Variants in PRIM2 observed in about 807,000 individuals in gnomAD.
PRIM2 encodes DNA primase subunit 2.
In PRIM2, 39 loss-of-function variants were observed where a neutral mutation model predicts 67.3. The ratio of observed to expected loss-of-function variants is 0.58; its 90% CI spans 0.45 to 0.76. PRIM2 has a LOEUF of 0.76. Ranked by LOEUF, PRIM2 falls within the 30% of genes least tolerant of loss-of-function variation. PRIM2 has a pLI of 0.00. For missense variants in PRIM2, 398 were observed against 598.7 expected (o/e 0.66, Z 3.50); for synonymous variants, 143 against 198.7 (o/e 0.72, Z 2.36).
chr6:57,563,157 A>G (rs1254284528), intron 10 of PRIM2, among the ~76,000 whole-genome samples: 3 of 152,140 alleles, frequency 2.0e-5, no homozygotes, highest in African/African-American at 7.2e-5. Flanking sequence ...GCTTTCCAGT[A>G]TAGCCTCTGT....
intron 7 of PRIM2, among the ~76,000 whole-genome samples, chr6:57,385,267 T>C (rs998158210): frequency 1.3e-5 from 2 of 152,214 alleles, no homozygotes; most frequent in African/African-American, 4.8e-5. Flanking sequence ...AGAGTATTTA[T>C]GAACTTTGAA....
intron 10 of PRIM2, among the ~76,000 whole-genome samples, chr6:57,550,612 C>T (rs1360820673): frequency 2.0e-5 from 3 of 152,006 alleles, no homozygotes; most frequent in African/African-American, 7.3e-5. Flanking sequence ...AAGACTTCAA[C>T]TCTGTTATTC....
chr6:57,312,798 T>TATATA (rs1363133615), upstream of PRIM2, among the ~76,000 whole-genome samples: 1 of 152,230 alleles, frequency 6.6e-6, no homozygotes, highest in East Asian at 1.9e-4. Flanking sequence ...ACCGTCTATA[T>TATATA]ATTTGTTTTA....
In PRIM2 at chr6:57,317,675, T is replaced by G. The variant is rs750926105; in HGVS notation, c.-36T>G. On this transcript the variant is annotated 5_prime_UTR_variant, in exon 1 of 14. Coordinates refer to ENST00000615550, the MANE Select transcript of PRIM2 (RefSeq NM_000947.5). ...CGGGAACAGTGGCTGCCACCGTTTGTGTTTTCCCGAGTTTGAATTCTTGCA... is the reference window on the plus strand; with the variant it reads ...CGGGAACAGTGGCTGCCACCGTTTGGGTTTTCCCGAGTTTGAATTCTTGCA... The G allele has an allele frequency of 6.5e-6, 1 of 152,770 alleles. No individual in the cohort carries two copies. Among genetic ancestry groups the G allele is most frequent in the East Asian group, 1.9e-4 (1 of 5,190 alleles). 9.5% of individuals were successfully genotyped at this position (152,770 alleles called of 1,614,324 possible).
chr6:57,610,769 C>A (rs1382638953), intron 12 of PRIM2, among the ~76,000 whole-genome samples: 3 of 152,168 alleles, frequency 2.0e-5, no homozygotes, highest in Non-Finnish European at 2.9e-5. Flanking sequence ...TATTTGGAGA[C>A]TTCAGCACTC....
chr6:57,479,205 G>A (rs1312727852), intron 7 of PRIM2, among the ~76,000 whole-genome samples: 3 of 152,180 alleles, frequency 2.0e-5, no homozygotes, highest in African/African-American at 7.2e-5. Flanking sequence ...ACTAAAAACG[G>A]AAAGAAACCC....
At chr6:57,263,795 C>T in the PRIM2 span, among the ~76,000 whole-genome samples, 2 of 152,208 alleles carry the variant, frequency 1.3e-5, no homozygotes, top group Non-Finnish European at 2.9e-5. Flanking sequence ...CCCTACAACA[C>T]TGAACAGCCC....
chr6:57,277,079 G>A, the PRIM2 span, among the ~76,000 whole-genome samples: 3 of 152,138 alleles, frequency 2.0e-5, no homozygotes, highest in Non-Finnish European at 2.9e-5. Context: ...TCCAGTGGGT[G>A]TGTTGTTTTG....
chr6:57,380,809 A>G (rs1360025436), intron 6 of PRIM2, among the ~76,000 whole-genome samples: 1 of 146,600 alleles, frequency 6.8e-6, no homozygotes, highest in Non-Finnish European at 1.5e-5. Context: ...CCTTCACATC[A>G]TCTTTTGCTT....
At chr6:57,417,405 C>G (rs1170347407) in intron 7 of PRIM2, among the ~76,000 whole-genome samples, 1 of 152,170 alleles carries the variant, frequency 6.6e-6, no homozygotes, top group Non-Finnish European at 1.5e-5. Flanking sequence ...TTTGATATAC[C>G]TTTCTCACTA....
chr6:57,606,323 A>C, intron 11 of PRIM2, 52 bp from the exon 12 acceptor site: 1 of 1,472,390 alleles, frequency 6.8e-7, no homozygotes, highest in Admixed American at 1.9e-5. Flanking sequence ...GTGTTGTACT[A>C]AGTTGTGGAT....
chr6:57,411,360 G>A (rs1329809712), intron 7 of PRIM2, among the ~76,000 whole-genome samples: 1 of 152,110 alleles, frequency 6.6e-6, no homozygotes, highest in South Asian at 2.1e-4. Flanking sequence ...GGAGGCTGAG[G>A]TAGGTGGATT....
At chr6:57,527,105 T>G (rs2127466357) in intron 8 of PRIM2, among the ~76,000 whole-genome samples, 1 of 152,338 alleles carries the variant, frequency 6.6e-6, no homozygotes, top group African/African-American at 2.4e-5. Context: ...TTTAAGGGTT[T>G]TTTTATTTTA....
At chr6:57,644,523 C>T (rs1338367098) in intron 13 of PRIM2, among the ~76,000 whole-genome samples, 4 of 152,072 alleles carry the variant, frequency 2.6e-5, no homozygotes, top group Non-Finnish European at 5.9e-5. Context: ...CAAATGTATT[C>T]CTGTATGCTG....
At chr6:57,365,787 C>T (rs897436083) in intron 5 of PRIM2, among the ~76,000 whole-genome samples, 14 of 151,964 alleles carry the variant, frequency 9.2e-5, no homozygotes, top group South Asian at 2.1e-4. Context: ...TAATGAGACC[C>T]GGTCTCTACA....
chr6:57,611,129 T>C (rs2127494283), intron 12 of PRIM2, among the ~76,000 whole-genome samples: 1 of 152,356 alleles, frequency 6.6e-6, no homozygotes, highest in East Asian at 1.9e-4. Flanking sequence ...GGTCGAAGGA[T>C]ACTAACTCAA....
intron 2 of PRIM2, 22 bp downstream of exon 2, chr6:57,318,621 A>G: frequency 7.9e-6 from 12 of 1,518,418 alleles, no homozygotes; most frequent in Non-Finnish European, 1.1e-5. Flanking sequence ...TTAAATTAGA[A>G]TGTATATATT....
chr6:57,455,048 G>A (rs1250465897), intron 7 of PRIM2, among the ~76,000 whole-genome samples: 4 of 152,132 alleles, frequency 2.6e-5, no homozygotes, highest in Admixed American at 2.6e-4. Context: ...TATGTACCCA[G>A]TAGTCATTCA....
intron 7 of PRIM2, among the ~76,000 whole-genome samples, chr6:57,388,027 T>G (rs956276915): frequency 4.6e-5 from 7 of 152,190 alleles, no homozygotes; most frequent in African/African-American, 1.7e-4. Context: ...TCTTGGCCTT[T>G]TTTTTTAGAA....
Sources: allele counts gnomAD v4.1 joint callset (sites outside exome capture counted in the v4.1 genomes callset), GRCh38; gene constraint gnomAD v4.1.1; transcripts MANE v1.5; gene names NCBI Gene and HGNC (gene_info 2026-07-23, HGNC 2026-07-21).